TRIB2: variants seen among roughly 807,000 people sequenced by gnomAD.
TRIB2 encodes tribbles pseudokinase 2, also known as tribbles homolog 2.
A neutral mutation model predicts 26.8 loss-of-function variants in TRIB2; 2 were observed. That is an observed-to-expected ratio of 0.07 (90% CI 0.03 to 0.24). The LOEUF (loss-of-function observed/expected upper bound fraction) is 0.24, where lower values mean the gene tolerates loss of function less well. Among genes scored for constraint, TRIB2 ranks in the 10% least tolerant of loss-of-function variants. The pLI is 1.00. For missense variants in TRIB2, 306 were observed against 449.0 expected (o/e 0.68, Z 2.88); for synonymous variants, 189 against 187.3 (o/e 1.01, Z -0.08).
At chr2:12,724,792 A>G in intron 2 of TRIB2, 1 of 1,612,452 alleles carries the variant, frequency 6.2e-7, no homozygotes. Flanking sequence ...GGTCTTTTCA[A>G]TTAATAATAA....
At chr2:12,733,009 G>A (rs759422366) in intron 2 of TRIB2, among the ~76,000 whole-genome samples, 2 of 152,080 alleles carry the variant, frequency 1.3e-5, no homozygotes, top group Non-Finnish European at 2.9e-5. Flanking sequence ...CCCCACCCTG[G>A]CCCACCCTGT....
chr2:12,729,908 C>T (rs986957761), intron 2 of TRIB2, among the ~76,000 whole-genome samples: 4 of 152,140 alleles, frequency 2.6e-5, no homozygotes, highest in African/African-American at 9.7e-5. Flanking sequence ...TGTTAAGTGC[C>T]CAGCACAGTG....
At chr2:12,736,623 G>A (rs1355546987) in intron 2 of TRIB2, among the ~76,000 whole-genome samples, 2 of 152,130 alleles carry the variant, frequency 1.3e-5, no homozygotes, top group Admixed American at 6.5e-5. Context: ...CACCCCCTGG[G>A]GTCGACAGCA....
intron 2 of TRIB2, among the ~76,000 whole-genome samples, chr2:12,734,320 C>T (rs1462347535): frequency 6.6e-6 from 1 of 152,126 alleles, no homozygotes; most frequent in Non-Finnish European, 1.5e-5. Flanking sequence ...TTTCTGGTAC[C>T]ACCACTTCCA....
intron 2 of TRIB2, among the ~76,000 whole-genome samples, chr2:12,736,699 G>C (rs950394674): frequency 6.6e-5 from 10 of 152,182 alleles, no homozygotes; most frequent in Non-Finnish European, 1.5e-4. Flanking sequence ...AGGTACTCAA[G>C]GTACAGCAGC....
chr2:12,724,593 G>C (rs748937694), intron 2 of TRIB2: 1 of 1,593,022 alleles, frequency 6.3e-7, no homozygotes, highest in Admixed American at 1.7e-5. Flanking sequence ...AAGATTTAGA[G>C]TGTGGAACCA....
rs1329029659 is a variant in TRIB2 at position 12,732,334 on chromosome 2, C to T, written c.564-7992C>T. Among the ~76,000 whole-genome samples, 1 of 152,196 alleles carries T rather than the reference C, an allele frequency of 6.6e-6. No homozygotes were observed. Among genetic ancestry groups the T allele is most frequent in the Non-Finnish European group, 1.5e-5 (1 of 68,030 alleles). On this transcript the variant is annotated intron_variant, in intron 2 of 2. Transcript: ENST00000155926. This position sits in a 1 kb window ranked among gnomAD's most constrained non-coding sequence, Gnocchi z 4.2. ...GTTTCCCATCCCAACTGTGCTATTT[C>T]CAAGCAAGTTCCTTCATCTGTCTCT...
chr2:12,736,883 C>G (rs61554852), intron 2 of TRIB2, among the ~76,000 whole-genome samples: 2 of 152,148 alleles, frequency 1.3e-5, no homozygotes, highest in Non-Finnish European at 2.9e-5. Context: ...GGGCGTGCTC[C>G]GTAATGTAGG....
At chr2:12,723,644 G>A (rs2278117) in intron 2 of TRIB2, 92 bp downstream of exon 2, 376,062 of 1,454,390 alleles carry the variant, frequency 0.26, 51,172 homozygotes, top group Non-Finnish European at 0.28. Context: ...TTTTTTTGCC[G>A]TCTGTGGTCC....
At chr2:12,738,431 G>A (rs1235665496) in intron 2 of TRIB2, among the ~76,000 whole-genome samples, 2 of 152,182 alleles carry the variant, frequency 1.3e-5, no homozygotes, top group African/African-American at 4.8e-5. Context: ...CGTGATGTGA[G>A]TGAGACAGCC....
At position 12,732,165 on chromosome 2, in the gene TRIB2, G is replaced by A. The variant is rs568038202; in HGVS notation, c.564-8161G>A. On this transcript the variant is annotated intron_variant, in intron 2 of 2. Transcript: ENST00000155926. This position sits in a 1 kb window ranked among gnomAD's most constrained non-coding sequence, Gnocchi z 4.2. ...CATGGGGGCGTGGGAAGGTGTTCGG[G>A]TACAATGAGACTCCCCTGTTCATCC... 1.1e-4 allele frequency among the ~76,000 whole-genome samples: 16 copies of A among 152,216 alleles called. No homozygotes were observed. The highest frequency in any genetic ancestry group is 3.6e-4 in the African/African-American group (15 of 41,532).
At chr2:12,728,502 C>T (rs1338031311) in intron 2 of TRIB2, among the ~76,000 whole-genome samples, 1 of 152,246 alleles carries the variant, frequency 6.6e-6, no homozygotes, top group African/African-American at 2.4e-5. Flanking sequence ...TTCAAGGCTT[C>T]CTGCCATCCC....
intron 2 of TRIB2, chr2:12,724,970 A>G (rs1026737805): frequency 4.1e-5 from 52 of 1,282,524 alleles, no homozygotes; most frequent in Non-Finnish European, 5.2e-5. Context: ...ACCTCTTACC[A>G]TAAGGTTAAA....
Position 12,739,323 on chromosome 2 carries a change from G to A in TRIB2, c.564-1003G>A, listed in dbSNP as rs182037183. Among the ~76,000 whole-genome samples, 11 of 152,230 alleles carry A rather than the reference G, an allele frequency of 7.2e-5. No homozygotes were observed. In the East Asian group the frequency reaches 7.7e-4, roughly 11 times the overall value. ...CACCCAGGCTGGAATGCAGTAGTGC[G>A]ATCTCAGCTCACTGTAACCTCCGCC... On this transcript the variant is annotated intron_variant, in intron 2 of 2. Transcript: ENST00000155926.
Position 12,738,879 on chromosome 2 carries a change from G to A in TRIB2, c.564-1447G>A, listed in dbSNP as rs192837096. Among the ~76,000 whole-genome samples, 62 of 152,262 alleles carry A rather than the reference G, an allele frequency of 4.1e-4. No individual in the cohort carries two copies. The Middle Eastern group carries it at 0.01, about 25-fold the overall frequency. ...AGTATTTCCTGAGCACTTAATTTAT[G>A]TCATACACAATGATGACATCAGATC... On this transcript the variant is annotated intron_variant, in intron 2 of 2. Transcript: ENST00000155926.
chr2:12,719,848 G>A (rs1661156357), intron 1 of TRIB2, among the ~76,000 whole-genome samples: 1 of 152,124 alleles, frequency 6.6e-6, no homozygotes, highest in South Asian at 2.1e-4. Flanking sequence ...TGCTTGTACT[G>A]AGCATTTGGT....
intron 2 of TRIB2, among the ~76,000 whole-genome samples, chr2:12,725,275 G>A (rs1661313107): frequency 6.6e-6 from 1 of 152,236 alleles, no homozygotes. Context: ...TCAGGGATAG[G>A]ACCCCCATAG....
At position 12,740,305 on chromosome 2, in the gene TRIB2, T is replaced by G; in HGVS notation, c.564-21T>G. On this transcript the variant is annotated intron_variant, in intron 2 of 2. Coordinates refer to ENST00000155926, the MANE Select transcript of TRIB2 (RefSeq NM_021643.4). This position sits in a 1 kb window ranked among gnomAD's most constrained non-coding sequence, Gnocchi z 5.8. ...GTCTCTGAGCACCCTCAGGAGCTTA[T>G]GTTTTCCTCCTTTCTTGCAGGACTC... is the stretch of plus-strand genomic sequence containing the variant. The G allele has an allele frequency of 6.2e-7, 1 of 1,608,228 alleles. No individual in the cohort carries two copies. The highest frequency in any genetic ancestry group is 8.5e-7 in the Non-Finnish European group (1 of 1,175,816).
intron 1 of TRIB2, among the ~76,000 whole-genome samples, chr2:12,721,834 G>A (rs1421111605): frequency 6.6e-6 from 1 of 152,170 alleles, no homozygotes; most frequent in Non-Finnish European, 1.5e-5. Context: ...GAAGCTTAGA[G>A]CAACTTAACT....
Sources: gnomAD v4.1 joint callset for allele counts (sites outside exome capture counted in the v4.1 genomes callset) on GRCh38, gnomAD v4.1.1 for gene constraint, Gnocchi (gnomAD v3.1) non-coding constraint, MANE v1.5 for transcripts, NCBI Gene and HGNC (gene_info 2026-07-23, HGNC 2026-07-21) for gene names.